Variants in PTPRO observed in about 807,000 individuals in gnomAD.
PTPRO encodes the protein receptor-type tyrosine-protein phosphatase O.
Under a neutral mutation model 145.2 loss-of-function variants are expected in PTPRO, and 62 were observed. The observed-to-expected ratio is 0.43, with a 90% CI of 0.35 to 0.53. The LOEUF (loss-of-function observed/expected upper bound fraction) is 0.53, where lower values mean the gene tolerates loss of function less well. PTPRO is among the 20% of genes least tolerant of loss of function. The probability of loss-of-function intolerance (pLI) is 0.01; values close to 1 mark genes in which losing one functional copy is unlikely to be tolerated. For synonymous variants in PTPRO, 565 were observed against 514.7 expected (o/e 1.10, Z -1.32); for missense variants, 1,345 against 1,482.7 (o/e 0.91, Z 1.53).
At chr12:15,509,283 A>T (rs1942386712) in intron 7 of PTPRO, among the ~76,000 whole-genome samples, 1 of 151,896 alleles carries the variant, frequency 6.6e-6, no homozygotes, top group African/African-American at 2.4e-5. Flanking sequence ...AACCAAGCAG[A>T]GGGTTGGAGG....
chr12:15,503,876 C>A, intron 5 of PTPRO, 32 bp from the exon 6 acceptor site: 1 of 1,526,744 alleles, frequency 6.5e-7, no homozygotes. Flanking sequence ...GGTGTCTATT[C>A]ATGTATCTTC....
At chr12:15,513,157 AAAAGAAAGAAAG>A (rs1162807747) in intron 7 of PTPRO, among the ~76,000 whole-genome samples, 1,903 of 30,652 alleles carry the variant, frequency 0.062, 66 homozygotes, top group Middle Eastern at 0.13. Flanking sequence ...GAAAGAAAGA[AAAAGAAAGAAAG>A]AAAGAAAGAA....
chr12:15,434,503 G>A (rs910704542), intron 1 of PTPRO, among the ~76,000 whole-genome samples: 1 of 152,140 alleles, frequency 6.6e-6, no homozygotes, highest in African/African-American at 2.4e-5. Context: ...CTTTCAGCAG[G>A]AGTTTACAAA....
chr12:15,518,667 C>A (rs1296108708), intron 9 of PTPRO, among the ~76,000 whole-genome samples: 1 of 152,158 alleles, frequency 6.6e-6, no homozygotes, highest in South Asian at 2.1e-4. Flanking sequence ...CTGCCAGATA[C>A]CCTAAATCAT....
chr12:15,437,775 C>T (rs747108451), intron 1 of PTPRO, among the ~76,000 whole-genome samples: 2 of 152,216 alleles, frequency 1.3e-5, no homozygotes, highest in African/African-American at 4.8e-5. Flanking sequence ...CCTGACTCCA[C>T]ATTTAGACAC....
In PTPRO at chr12:15,596,359, A is replaced by G. The variant is rs1444718633; in HGVS notation, c.*286A>G. On this transcript the variant is annotated 3_prime_UTR_variant, in exon 27 of 27. Transcript: ENST00000281171. ...AAGGGCAGGAAGTACAGCACTTCCGAAGAGTTTAGTTGGCCCTTTGCTGGT... is the reference window on the plus strand; with the variant it reads ...AAGGGCAGGAAGTACAGCACTTCCGGAGAGTTTAGTTGGCCCTTTGCTGGT... The G allele has an allele frequency of 6.6e-6, 1 of 152,616 alleles. No homozygotes were observed. The highest frequency in any genetic ancestry group is 2.4e-5 in the African/African-American group (1 of 41,452). The allele number at this position is 152,616 out of a possible 1,614,324, so 9.5% of individuals were successfully genotyped here.
chr12:15,420,536 A>C (rs78030918), intron 1 of PTPRO, among the ~76,000 whole-genome samples: 1 of 151,448 alleles, frequency 6.6e-6, no homozygotes, highest in African/African-American at 2.4e-5. Flanking sequence ...ACATTTCCTG[A>C]CCAACTCATG....
intron 1 of PTPRO, among the ~76,000 whole-genome samples, chr12:15,452,115 GAAGA>G (rs1283811424): frequency 2.0e-5 from 3 of 152,068 alleles, no homozygotes; most frequent in Admixed American, 1.3e-4. Flanking sequence ...ACCAAGAAAA[GAAGA>G]GAGAAGATCC....
At chr12:15,500,838 C>G (rs985756871) in intron 4 of PTPRO, among the ~76,000 whole-genome samples, 1 of 152,162 alleles carries the variant, frequency 6.6e-6, no homozygotes, top group Non-Finnish European at 1.5e-5. Context: ...AGGAGAACTG[C>G]TTGAACCCAG....
At chr12:15,464,156 G>C (rs1457159022) in intron 1 of PTPRO, among the ~76,000 whole-genome samples, 3 of 152,168 alleles carry the variant, frequency 2.0e-5, no homozygotes, top group African/African-American at 7.2e-5. Context: ...CACAGCAGAA[G>C]AGAGAAGGGG....
chr12:15,432,514 T>C (rs1452116103), intron 1 of PTPRO, among the ~76,000 whole-genome samples: 1 of 152,250 alleles, frequency 6.6e-6, no homozygotes, highest in Non-Finnish European at 1.5e-5. Flanking sequence ...TTTGGGTATA[T>C]ACCCAGTAAT....
chr12:15,399,634 A>T (rs1008374387), intron 1 of PTPRO, among the ~76,000 whole-genome samples: 3 of 152,192 alleles, frequency 2.0e-5, no homozygotes, highest in Non-Finnish European at 2.9e-5. Flanking sequence ...ATGTATAAAG[A>T]TTATCACTTA....
At chr12:15,437,801 G>A (rs550452402) in intron 1 of PTPRO, among the ~76,000 whole-genome samples, 49 of 152,276 alleles carry the variant, frequency 3.2e-4, no homozygotes, top group African/African-American at 1.2e-3. Flanking sequence ...TGGGTGCCTG[G>A]TAGCCACCCA....
intron 19 of PTPRO, among the ~76,000 whole-genome samples, chr12:15,570,771 T>C (rs903823818): frequency 7.2e-5 from 11 of 152,184 alleles, no homozygotes; most frequent in Admixed American, 2.6e-4. Flanking sequence ...CTAACGATGA[T>C]AGAAATTATG....
chr12:15,402,864 C>T lies in PTPRO; in HGVS notation c.75+80063C>T, dbSNP rs544123952. On this transcript the variant is annotated intron_variant, in intron 1 of 26. Coordinates refer to ENST00000281171, the MANE Select transcript of PTPRO (RefSeq NM_030667.3). ...GATAGTTTTAAAATAAGAAGATTAA[C>T]GTCAACATAACTACATAAAACTAAA... is the stretch of plus-strand genomic sequence containing the variant. Among the ~76,000 whole-genome samples the T allele has an allele frequency of 4.1e-4, 62 of 152,200 alleles. 1 individual carries two copies. In the South Asian group the frequency reaches 7.0e-3, roughly 17 times the overall value.
At chr12:15,479,027 C>T (rs253841) in intron 1 of PTPRO, among the ~76,000 whole-genome samples, 2,138 of 152,282 alleles carry the variant, frequency 0.014, 51 homozygotes, top group African/African-American at 0.049. Context: ...TCACCTTCAC[C>T]TTCACCGCAC....
intron 15 of PTPRO, among the ~76,000 whole-genome samples, chr12:15,556,425 C>G (rs937039610): frequency 1.3e-5 from 2 of 151,858 alleles, no homozygotes; most frequent in South Asian, 2.1e-4. Context: ...GATACATGAG[C>G]CCCAATGAGC....
chr12:15,464,756 T>C (rs1941381486), intron 1 of PTPRO, among the ~76,000 whole-genome samples: 1 of 152,150 alleles, frequency 6.6e-6, no homozygotes, highest in African/African-American at 2.4e-5. Flanking sequence ...ATTAGCATGA[T>C]ATACTTGTTT....
chr12:15,507,309 A>G (rs1942340937), intron 6 of PTPRO, among the ~76,000 whole-genome samples: 2 of 151,988 alleles, frequency 1.3e-5, no homozygotes, highest in Admixed American at 1.3e-4. Context: ...GCTACTCGGG[A>G]GGCTGAGGCA....
Sources: allele counts gnomAD v4.1 joint callset (sites outside exome capture counted in the v4.1 genomes callset), GRCh38; gene constraint gnomAD v4.1.1; transcripts MANE v1.5; gene names NCBI Gene and HGNC (gene_info 2026-07-23, HGNC 2026-07-21).